CBLL2: variants seen among roughly 807,000 people sequenced by gnomAD.
CBLL2 encodes Cbl proto-oncogene like 2.
For synonymous variants in CBLL2, 123 were observed against 124.9 expected, an observed-to-expected ratio of 0.98 and a Z score of 0.10; for missense variants, 347 against 343.2, an observed-to-expected ratio of 1.01 and a Z score of -0.09.
chrX:22,273,535 C>G lies in CBLL2; in HGVS notation c.544C>G (p.Pro182Ala), dbSNP rs762502325. The G allele has an allele frequency of 3.3e-6, 4 of 1,209,530 alleles. No homozygotes were observed. The South Asian group carries it at 7.1e-5, about 21-fold the overall frequency. ...CAGGGACCATCTAAGCTATATTCCA[C>G]CAGAACAGCACACCATGGTGTCACT... is the stretch of plus-strand genomic sequence containing the variant. ...QDRDHLSYIP[P>A]EQHTMVSLPS... The change falls in exon 1 of 1, where the codon CCA (proline) becomes GCA (alanine). Residue 182 changes from proline to alanine, a missense_variant. Pro to Ala is a conservative substitution (Grantham distance 27, BLOSUM62 -1). Coordinates refer to ENST00000323684, the MANE Select transcript of CBLL2 (RefSeq NM_152577.4).
rs922595265 is a variant in CBLL2, at chrX:22,273,045, G to C, written c.54G>C (p.Lys18Asn). The C allele has an allele frequency of 8.3e-7, 1 of 1,204,479 alleles. No individual in the cohort carries two copies. Among genetic ancestry groups the C allele is most frequent in the Non-Finnish European group, 1.1e-6 (1 of 892,822 alleles). The stretch of plus-strand genomic sequence containing the variant: ...AATGTGAATATAACAAAGAAGGGAA[G>C]TACTACTCTAAAGGAGTTAAACTGG... ...EQECEYNKEGKYYSKGVKLVR... is the reference protein window; with the variant it reads ...EQECEYNKEGNYYSKGVKLVR... The change falls in exon 1 of 1, where the codon AAG becomes AAC. Residue 18 changes from lysine (K) to asparagine (N), a missense_variant. By Grantham distance (94) the Lys-to-Asn change is moderately conservative. Coordinates refer to ENST00000323684, the MANE Select transcript of CBLL2 (RefSeq NM_152577.4).
In CBLL2 at chrX:22,272,930, C is replaced by A. The variant is rs1338541659; in HGVS notation, c.-62C>A. The A allele has an allele frequency of 1.8e-5, 18 of 1,021,197 alleles. No individual in the cohort carries two copies. The Admixed American group carries it at 5.2e-4, about 29-fold the overall frequency. The allele number at this position is 1,021,197 out of a possible 1,213,427, so 84.2% of individuals were successfully genotyped here. On this transcript the variant is annotated 5_prime_UTR_variant, in exon 1 of 1. Coordinates refer to ENST00000323684, the MANE Select transcript of CBLL2 (RefSeq NM_152577.4). ...TGGCCTTCACGTTAGCAGAAGAATT[C>A]CTTTAAACGTCATTTTTGAGGAAGT...
chrX:22,274,350 C>T lies in CBLL2; in HGVS notation c.*81C>T. ...TATACTGTACTGTGGATAAGCGGCT[C>T]AGTTCAGCAGAGCTGGAGTTGAACA... On this transcript the variant is annotated 3_prime_UTR_variant, in exon 1 of 1. Coordinates refer to ENST00000323684, the MANE Select transcript of CBLL2 (RefSeq NM_152577.4). 2.2e-6 allele frequency: 2 copies of T among 911,148 alleles called. No homozygotes were observed. The highest frequency in any genetic ancestry group is 3.0e-6 in the Non-Finnish European group (2 of 664,371). The allele number at this position is 911,148 out of a possible 1,213,427, so 75.1% of individuals were successfully genotyped here.
Position 22,274,450 on chromosome X carries a change from A to G in CBLL2, c.*181A>G. 2.5e-6 allele frequency: 1 copy of G among 392,371 alleles called. No homozygotes were observed. Among genetic ancestry groups the G allele is most frequent in the Non-Finnish European group, 4.4e-6 (1 of 228,047 alleles). The allele number at this position is 392,371 out of a possible 1,213,427, so 32.3% of individuals were successfully genotyped here. ...TTTCCTGAAATAAATATGCAATGTT[A>G]CATTTTCAAAAGTATTGTGGTTTTT... On this transcript the variant is annotated 3_prime_UTR_variant, in exon 1 of 1. Coordinates refer to ENST00000323684, the MANE Select transcript of CBLL2 (RefSeq NM_152577.4).
chrX:22,274,355 C>T lies in CBLL2; in HGVS notation c.*86C>T. 1.1e-6 allele frequency: 1 copy of T among 890,997 alleles called. No individual in the cohort carries two copies. Among genetic ancestry groups the T allele is most frequent in the Non-Finnish European group, 1.5e-6 (1 of 646,097 alleles). 73.4% of individuals were successfully genotyped at this position (890,997 alleles called of 1,213,427 possible). On this transcript the variant is annotated 3_prime_UTR_variant, in exon 1 of 1. Transcript: ENST00000323684. Reference sequence around the variant, plus strand: ...TGTACTGTGGATAAGCGGCTCAGTTCAGCAGAGCTGGAGTTGAACAACTTT... The same window carrying T: ...TGTACTGTGGATAAGCGGCTCAGTTTAGCAGAGCTGGAGTTGAACAACTTT...
rs113314974 is a variant in CBLL2, at chrX:22,273,530, T to A, written c.539T>A (p.Ile180Asn). Residue 180 changes from isoleucine (I) to asparagine (N), a missense_variant, in exon 1 of 1, where the codon ATT (isoleucine) becomes AAT (asparagine). Coordinates refer to ENST00000323684, the MANE Select transcript of CBLL2 (RefSeq NM_152577.4). ...CAAGACAGGGACCATCTAAGCTATA[T>A]TCCACCAGAACAGCACACCATGGTG... ...RLQDRDHLSY[I>N]PPEQHTMVSL... 725 of 1,209,618 alleles carry A rather than the reference T, an allele frequency of 6.0e-4. 2 individuals are homozygous for A. In the African/African-American group the frequency reaches 0.01, roughly 17 times the overall value.
Position 22,273,257 on chromosome X carries a change from G to T in CBLL2, c.266G>T (p.Gly89Val). 2 of 1,211,670 alleles carry T rather than the reference G, an allele frequency of 1.7e-6. No individual in the cohort carries two copies. The highest frequency in any genetic ancestry group is 3.0e-5 in the East Asian group (1 of 33,834). Residue 89 changes from glycine to valine, a missense_variant, in exon 1 of 1, where the codon GGA becomes GTA. Transcript: ENST00000323684. ...TGTGCTAATTTATATGACAAAGTCG[G>T]ATATAAAGTATGTCCGCGCTGTCGT... ...YHCANLYDKV[G>V]YKVCPRCRYP...
rs762534152 is a variant in CBLL2, at chrX:22,274,203, T to C, written c.1212T>C (p.Ser404=). The change falls in exon 1 of 1, where the codon AGT becomes AGC. Residue 404 remains serine (S), a synonymous_variant. Coordinates refer to ENST00000323684, the MANE Select transcript of CBLL2 (RefSeq NM_152577.4). The part of the protein sequence containing the change: ...KRLSPCPPTR[S]PPPSTLHGRS... ...TGTCACCTTGTCCACCAACGCGGAGTCCACCTCCTTCAACCCTACATGGTC... is the reference window on the plus strand; with the variant it reads ...TGTCACCTTGTCCACCAACGCGGAGCCCACCTCCTTCAACCCTACATGGTC... The C allele has an allele frequency of 1.6e-5, 19 of 1,211,134 alleles. No homozygotes were observed. In the South Asian group the frequency reaches 3.0e-4, roughly 19 times the overall value.
At position 22,273,613 on chromosome X, in the gene CBLL2, A is replaced by T; in HGVS notation, c.622A>T (p.Ile208Phe). Residue 208 changes from isoleucine (I) to phenylalanine (F), a missense_variant, in exon 1 of 1, where the codon ATC (isoleucine) becomes TTC (phenylalanine). Ile to Phe is a conservative substitution (Grantham distance 21). Transcript: ENST00000323684. ...GCAACATAATCAGCCACATAAGGAT[A>T]TCCAGGCTCCTCCCCCAGAACTATC... Reference protein sequence around the residue: ...QEQHNQPHKDIQAPPPELSLS... With the variant: ...QEQHNQPHKDFQAPPPELSLS... The T allele has an allele frequency of 8.3e-7, 1 of 1,211,557 alleles. No individual in the cohort carries two copies.
rs1237668431 is a variant in CBLL2 at position 22,274,273 on chromosome X, T to G, written c.*4T>G. 4 of 1,192,868 alleles carry G rather than the reference T, an allele frequency of 3.4e-6. No individual in the cohort carries two copies. The highest frequency in any genetic ancestry group is 4.5e-6 in the Non-Finnish European group (4 of 886,205). On this transcript the variant is annotated 3_prime_UTR_variant, in exon 1 of 1. Coordinates refer to ENST00000323684, the MANE Select transcript of CBLL2 (RefSeq NM_152577.4). The stretch of plus-strand genomic sequence containing the variant: ...GAGAAGACATAGACGGTATTAAGGA[T>G]GATAACAGTATTTGGAACTGAAGAC...
rs1010625281 is a variant in CBLL2, at chrX:22,273,733, G to C, written c.742G>C (p.Asp248His). The change falls in exon 1 of 1, where the codon GAT (aspartate) becomes CAT (histidine). Residue 248 changes from aspartate (D) to histidine (H), a missense_variant. Asp to His is a moderately conservative substitution (Grantham distance 81, BLOSUM62 -1). Coordinates refer to ENST00000323684, the MANE Select transcript of CBLL2 (RefSeq NM_152577.4). ...AGTTGATCATATTCAGAATAACTCA[G>C]ATTCTGGTGCTAAGAAGCCAACACC... ...LTVDHIQNNSDSGAKKPTPPD... is the reference protein window; with the variant it reads ...LTVDHIQNNSHSGAKKPTPPD... 2.5e-6 allele frequency: 3 copies of C among 1,211,556 alleles called. No individual in the cohort carries two copies. The highest frequency in any genetic ancestry group is 3.4e-6 in the Non-Finnish European group (3 of 895,445).
In CBLL2 at chrX:22,273,736, T is replaced by C; in HGVS notation, c.745T>C (p.Ser249Pro). ...TGATCATATTCAGAATAACTCAGAT[T>C]CTGGTGCTAAGAAGCCAACACCTCC... The part of the protein sequence containing the change: ...TVDHIQNNSD[S>P]GAKKPTPPDY... The change falls in exon 1 of 1, where the codon TCT becomes CCT. Residue 249 changes from serine to proline, a missense_variant. Ser to Pro is a moderately conservative substitution (Grantham distance 74). Coordinates refer to ENST00000323684, the MANE Select transcript of CBLL2 (RefSeq NM_152577.4). The C allele has an allele frequency of 8.3e-7, 1 of 1,211,455 alleles. No individual in the cohort carries two copies. The highest frequency in any genetic ancestry group is 1.1e-6 in the Non-Finnish European group (1 of 895,494).
In CBLL2 at chrX:22,272,987, G is replaced by C; in HGVS notation, c.-5G>C. ...ACCTAAATATGTGTCTGAACTCCAA[G>C]GAATATGAACAAGATGCCTGCTGGT... is the stretch of plus-strand genomic sequence containing the variant. On this transcript the variant is annotated 5_prime_UTR_variant, in exon 1 of 1. Coordinates refer to ENST00000323684, the MANE Select transcript of CBLL2 (RefSeq NM_152577.4). 1 of 1,165,426 alleles carries C rather than the reference G, an allele frequency of 8.6e-7. No homozygotes were observed.
rs1184928233 is a variant in CBLL2 at position 22,273,283 on chromosome X, T to C, written c.292T>C (p.Tyr98His). The C allele has an allele frequency of 8.3e-7, 1 of 1,212,078 alleles. No individual in the cohort carries two copies. The highest frequency in any genetic ancestry group is 1.7e-5 in the African/African-American group (1 of 57,844). Residue 98 changes from tyrosine to histidine, a missense_variant, in exon 1 of 1, where the codon TAT (tyrosine) becomes CAT (histidine). Physicochemically the swap from Tyr to His is moderately conservative, Grantham distance 83. Coordinates refer to ENST00000323684, the MANE Select transcript of CBLL2 (RefSeq NM_152577.4). Reference sequence around the variant, plus strand: ...ATATAAAGTATGTCCGCGCTGTCGTTATCCTGTGCTGAGAATTGAGGCGCA... The same window carrying C: ...ATATAAAGTATGTCCGCGCTGTCGTCATCCTGTGCTGAGAATTGAGGCGCA... ...VGYKVCPRCRYPVLRIEAHKR... is the reference protein window; with the variant it reads ...VGYKVCPRCRHPVLRIEAHKR...
chrX:22,273,003 G>A lies in CBLL2; in HGVS notation c.12G>A (p.Met4Ile). 8.5e-7 allele frequency: 1 copy of A among 1,179,986 alleles called. No individual in the cohort carries two copies. Among genetic ancestry groups the A allele is most frequent in the Non-Finnish European group, 1.1e-6 (1 of 881,845 alleles). The change falls in exon 1 of 1, where the codon ATG becomes ATA. Residue 4 changes from methionine to isoleucine, a missense_variant. By Grantham distance (10) the Met-to-Ile change is conservative. Coordinates refer to ENST00000323684, the MANE Select transcript of CBLL2 (RefSeq NM_152577.4). MNK[M>I]PAGEQECEYN... ...GAACTCCAAGGAATATGAACAAGATGCCTGCTGGTGAACAAGAATGTGAAT... is the reference window on the plus strand; with the variant it reads ...GAACTCCAAGGAATATGAACAAGATACCTGCTGGTGAACAAGAATGTGAAT...
chrX:22,273,860 C>T lies in CBLL2; in HGVS notation c.869C>T (p.Ser290Leu), dbSNP rs267606418. 1.7e-6 allele frequency: 2 copies of T among 1,208,937 alleles called. No individual in the cohort carries two copies. Among genetic ancestry groups the T allele is most frequent in the African/African-American group, 1.8e-5 (1 of 56,787 alleles). Residue 290 changes from serine to leucine, a missense_variant, in exon 1 of 1, where the codon TCA becomes TTA. Ser to Leu is a moderately radical substitution (Grantham distance 145). Coordinates refer to ENST00000323684, the MANE Select transcript of CBLL2 (RefSeq NM_152577.4). ...QHYAPPPSPS[S>L]PVNHQMPYPP... The stretch of plus-strand genomic sequence containing the variant: ...TATGCGCCACCTCCATCTCCATCAT[C>T]ACCAGTAAACCATCAAATGCCATAT...
rs1936777951 is a variant in CBLL2, at chrX:22,273,109, G to C, written c.118G>C (p.Asp40His). The C allele has an allele frequency of 8.3e-7, 1 of 1,209,117 alleles. No homozygotes were observed. The highest frequency in any genetic ancestry group is 2.2e-5 in the Admixed American group (1 of 45,711). ...AAAAATTCCTGGTTACCGTTGGGGG[G>C]ACATTAAGATAAACATCATAGGTGA... The part of the protein sequence containing the change: ...KKKIPGYRWG[D>H]IKINIIGEKD... Residue 40 changes from aspartate to histidine, a missense_variant, in exon 1 of 1, where the codon GAC becomes CAC. By Grantham distance (81) the Asp-to-His change is moderately conservative. Coordinates refer to ENST00000323684, the MANE Select transcript of CBLL2 (RefSeq NM_152577.4).
In CBLL2 at chrX:22,273,654, T is replaced by G; in HGVS notation, c.663T>G (p.Phe221Leu). Residue 221 changes from phenylalanine (F) to leucine (L), a missense_variant, in exon 1 of 1, where the codon TTT becomes TTG. Phe to Leu is a conservative substitution (Grantham distance 22, BLOSUM62 0). Coordinates refer to ENST00000323684, the MANE Select transcript of CBLL2 (RefSeq NM_152577.4). Reference sequence around the variant, plus strand: ...CAGAACTATCTCTAAGTCTGCCTTTTCCCATCCAGTGGGAAACCGTTAGTA... The same window carrying G: ...CAGAACTATCTCTAAGTCTGCCTTTGCCCATCCAGTGGGAAACCGTTAGTA... ...PPPELSLSLP[F>L]PIQWETVSIF... The G allele has an allele frequency of 8.3e-7, 1 of 1,211,753 alleles. No homozygotes were observed.
chrX:22,273,547 A>G lies in CBLL2; in HGVS notation c.556A>G (p.Thr186Ala). 8.3e-7 allele frequency: 1 copy of G among 1,211,383 alleles called. No homozygotes were observed. The highest frequency in any genetic ancestry group is 2.2e-5 in the Admixed American group (1 of 46,030). Residue 186 changes from threonine (T) to alanine (A), a missense_variant, in exon 1 of 1, where the codon ACC (threonine) becomes GCC (alanine). Transcript: ENST00000323684. ...HLSYIPPEQH[T>A]MVSLPSVQHM... ...AAGCTATATTCCACCAGAACAGCAC[A>G]CCATGGTGTCACTACCGTCTGTGCA...
Sources: gnomAD v4.1 joint callset for allele counts on GRCh38, gnomAD v4.1.1 for gene constraint, MANE v1.5 for transcripts, NCBI Gene and HGNC (gene_info 2026-07-23, HGNC 2026-07-21) for gene names.